The following MYO16 variants were observed in gnomAD, a reference collection of about 807,000 sequenced individuals.
MYO16 encodes the protein myosin XVI.
MYO16 carries 94 observed loss-of-function variants against 205.3 expected under a neutral mutation model. That is an observed-to-expected ratio of 0.46 (90% CI 0.39 to 0.54). MYO16 has a LOEUF of 0.54. MYO16 is among the 20% of genes least tolerant of loss of function. The pLI, the probability that MYO16 is intolerant of heterozygous loss-of-function variation, is 0.00. For synonymous variants in MYO16, 988 were observed against 954.0 expected, an observed-to-expected ratio of 1.04 and a Z score of -0.66; for missense variants, 2,315 against 2,387.5, an observed-to-expected ratio of 0.97 and a Z score of 0.63.
chr13:108,845,003 G>A (rs1477679249), intron 10 of MYO16, among the ~76,000 whole-genome samples: 3 of 152,014 alleles, frequency 2.0e-5, no homozygotes, highest in Non-Finnish European at 4.4e-5. Context: ...GGTAATTTTG[G>A]ATTTGAAGGG....
At chr13:108,877,678 C>T (rs1000728804) in intron 12 of MYO16, among the ~76,000 whole-genome samples, 10 of 152,112 alleles carry the variant, frequency 6.6e-5, no homozygotes, top group Non-Finnish European at 7.4e-5. Flanking sequence ...TATTTTTGCC[C>T]GAATTTGTAT....
chr13:108,968,865 GC>G (rs1262988705), intron 20 of MYO16, among the ~76,000 whole-genome samples: 2 of 152,202 alleles, frequency 1.3e-5, no homozygotes, highest in Non-Finnish European at 2.9e-5. Context: ...CAGGAAGACT[GC>G]CCTGAGCCCT....
At chr13:108,703,657 A>C (rs1883393153) in intron 2 of MYO16, among the ~76,000 whole-genome samples, 1 of 152,184 alleles carries the variant, frequency 6.6e-6, no homozygotes. Context: ...CAAAGCCATA[A>C]AACAAGTGCC....
chr13:108,510,485 T>TTTTTTTTTTTTTTTTA, the MYO16 span, among the ~76,000 whole-genome samples: 8 of 96,470 alleles, frequency 8.3e-5, no homozygotes, highest in East Asian at 3.3e-4. Flanking sequence ...TTTTTTTTTT[T>TTTTTTTTTTTTTTTTA]ATTGTACTTT....
chr13:108,907,839 C>T (rs1186574434), intron 15 of MYO16, among the ~76,000 whole-genome samples: 1 of 152,112 alleles, frequency 6.6e-6, no homozygotes, highest in Non-Finnish European at 1.5e-5. Context: ...TGCATATTGG[C>T]TGGGATAGAT....
intron 34 of MYO16, among the ~76,000 whole-genome samples, chr13:109,197,827 A>C (rs1880222848): frequency 1.3e-5 from 2 of 152,226 alleles, no homozygotes; most frequent in Admixed American, 1.3e-4. Flanking sequence ...ATAAAAGTCT[A>C]CAAAAGCAAA....
chr13:109,014,207 C>G (rs1435505666), intron 22 of MYO16, among the ~76,000 whole-genome samples: 1 of 152,172 alleles, frequency 6.6e-6, no homozygotes, highest in Non-Finnish European at 1.5e-5. Context: ...TTCCCAGCAC[C>G]ATTTATTAAA....
At chr13:108,757,569 G>T (rs886141006) in intron 4 of MYO16, among the ~76,000 whole-genome samples, 13 of 151,990 alleles carry the variant, frequency 8.6e-5, no homozygotes, top group Non-Finnish European at 1.2e-4. Flanking sequence ...ATGTTGGTGT[G>T]CTGCACCCAG....
At chr13:108,595,688 C>T (rs1041401259), upstream of MYO16, among the ~76,000 whole-genome samples, 1 of 152,038 alleles carries the variant, frequency 6.6e-6, no homozygotes, top group Non-Finnish European at 1.5e-5. Flanking sequence ...TCTGATCCTT[C>T]CAATAAATAA....
At chr13:109,088,805 A>G (rs1888527020) in intron 27 of MYO16, among the ~76,000 whole-genome samples, 1 of 152,200 alleles carries the variant, frequency 6.6e-6, no homozygotes, top group African/African-American at 2.4e-5. Flanking sequence ...AGGAGAGGCC[A>G]CAGCAGCCTG....
chr13:109,130,485 A>G (rs954156381), intron 31 of MYO16, among the ~76,000 whole-genome samples: 4 of 152,208 alleles, frequency 2.6e-5, no homozygotes, highest in Non-Finnish European at 5.9e-5. Context: ...TGTGCTCTCA[A>G]TACTGTATAT....
the MYO16 span, among the ~76,000 whole-genome samples, chr13:108,582,607 T>C: frequency 0.015 from 2,333 of 152,274 alleles, 21 homozygotes; most frequent in Non-Finnish European, 0.024. Flanking sequence ...CCAAATGGTC[T>C]TGTGTCTGTT....
chr13:108,703,058 A>C (rs1167693998), intron 2 of MYO16, among the ~76,000 whole-genome samples: 1 of 152,134 alleles, frequency 6.6e-6, no homozygotes, highest in Non-Finnish European at 1.5e-5. Context: ...ACAAAAGCAA[A>C]ATGGTAGGCA....
the MYO16 span, among the ~76,000 whole-genome samples, chr13:108,503,341 C>T: frequency 6.6e-6 from 1 of 152,110 alleles, no homozygotes; most frequent in South Asian, 2.1e-4. Flanking sequence ...CCAGCCTCTG[C>T]CGGGAGCCGA....
At chr13:108,949,725 G>A (rs1048173140) in intron 16 of MYO16, among the ~76,000 whole-genome samples, 13 of 152,108 alleles carry the variant, frequency 8.5e-5, no homozygotes, top group Admixed American at 2.6e-4. Context: ...AAAAAATAAT[G>A]CAAAAGAAGA....
At chr13:109,091,993 A>G (rs977661331) in intron 27 of MYO16, among the ~76,000 whole-genome samples, 1 of 152,208 alleles carries the variant, frequency 6.6e-6, no homozygotes, top group Non-Finnish European at 1.5e-5. Context: ...AAATTAGAAT[A>G]TTGCTTTACA....
At chr13:108,839,588 G>A (rs1877123730) in intron 9 of MYO16, among the ~76,000 whole-genome samples, 1 of 152,096 alleles carries the variant, frequency 6.6e-6, no homozygotes, top group African/African-American at 2.4e-5. Context: ...AAAAAGAGGG[G>A]ACTGACTTAT....
chr13:108,655,499 C>G (rs1881202703), intron 1 of MYO16, among the ~76,000 whole-genome samples: 1 of 152,212 alleles, frequency 6.6e-6, no homozygotes, highest in South Asian at 2.1e-4. Context: ...AGGACCTCAG[C>G]TAGGGCAGTG....
intron 33 of MYO16, among the ~76,000 whole-genome samples, chr13:109,176,585 A>T (rs1249296586): frequency 6.9e-6 from 1 of 145,852 alleles, no homozygotes; most frequent in South Asian, 2.2e-4. Context: ...GGTAAAAAAA[A>T]AAAAAAAAAA....
Sources: gnomAD v4.1 joint callset for allele counts (sites outside exome capture counted in the v4.1 genomes callset) on GRCh38, gnomAD v4.1.1 for gene constraint, MANE v1.5 for transcripts, NCBI Gene and HGNC (gene_info 2026-07-23, HGNC 2026-07-21) for gene names.